Variants in ACSS3 observed in about 807,000 individuals in gnomAD.
ACSS3 encodes the protein acyl-CoA synthetase short chain family member 3.
In ACSS3, 64 loss-of-function variants were observed where a neutral mutation model predicts 84.2. That is an observed-to-expected ratio of 0.76 (90% confidence interval 0.62 to 0.94). The LOEUF (loss-of-function observed/expected upper bound fraction) is 0.94, where lower values mean the gene tolerates loss of function less well. Among genes scored for constraint, ACSS3 ranks in the 40% least tolerant of loss-of-function variants. The pLI is 0.00. For missense variants in ACSS3, 815 were observed against 867.6 expected (o/e 0.94, Z 0.76); for synonymous variants, 317 against 310.1 (o/e 1.02, Z -0.23).
chr12:81,118,978 A>G lies in ACSS3; in HGVS notation c.456+9274A>G, dbSNP rs975374324. ...GCCACAGCAGTTCAGAGAAGGCTTC[A>G]CTATTGGGGGAACCCACCCCCGATA... On this transcript the variant is annotated intron_variant, in intron 2 of 15. Coordinates refer to ENST00000548058, the MANE Select transcript of ACSS3 (RefSeq NM_024560.4). Among the ~76,000 whole-genome samples, 4 of 152,190 alleles carry G rather than the reference A, an allele frequency of 2.6e-5. No individual in the cohort carries two copies. In the East Asian group the frequency reaches 7.7e-4, roughly 29 times the overall value.
chr12:81,098,913 A>G (rs1439276613), intron 1 of ACSS3, among the ~76,000 whole-genome samples: 1 of 152,180 alleles, frequency 6.6e-6, no homozygotes, highest in Non-Finnish European at 1.5e-5. Context: ...GCATCTTATC[A>G]TAGTTATTGC....
At chr12:81,191,941 C>T (rs1355390593) in intron 8 of ACSS3, among the ~76,000 whole-genome samples, 14 of 152,048 alleles carry the variant, frequency 9.2e-5, no homozygotes, top group Admixed American at 7.9e-4. Context: ...TAATATTCTA[C>T]GTATATTTCC....
intron 15 of ACSS3, among the ~76,000 whole-genome samples, chr12:81,254,349 A>G (rs2034243352): frequency 1.3e-5 from 2 of 152,200 alleles, no homozygotes. Context: ...TTAGTGAATG[A>G]GAAAGCAAAA....
intron 9 of ACSS3, among the ~76,000 whole-genome samples, chr12:81,216,627 C>A (rs1226066495): frequency 6.6e-6 from 1 of 152,140 alleles, no homozygotes; most frequent in Non-Finnish European, 1.5e-5. Context: ...TGCTGATCCA[C>A]AATTGCAAAC....
chr12:81,241,285 G>T (rs1227420290), intron 13 of ACSS3, among the ~76,000 whole-genome samples: 1 of 151,954 alleles, frequency 6.6e-6, no homozygotes, highest in Non-Finnish European at 1.5e-5. Flanking sequence ...GAATAGTGCT[G>T]CAGTAAACAT....
At chr12:81,100,486 TGA>T (rs1882423655) in intron 1 of ACSS3, among the ~76,000 whole-genome samples, 2 of 152,124 alleles carry the variant, frequency 1.3e-5, no homozygotes, top group South Asian at 4.1e-4. Context: ...TTACAGGAGC[TGA>T]GATTCTACCC....
Position 81,107,504 on chromosome 12 carries a change from ATATATAC to A in ACSS3, c.312-2055_312-2049del, listed in dbSNP as rs1883128959. Among the ~76,000 whole-genome samples, 2 of 32,224 alleles carry A rather than the reference ATATATAC, an allele frequency of 6.2e-5. 1 individual carries two copies. Among genetic ancestry groups the A allele is most frequent in the Non-Finnish European group, 1.6e-4 (2 of 12,538 alleles). The allele number at this position is 32,224 out of a possible 152,430, so 21.1% of individuals were successfully genotyped here. A position where few individuals can be genotyped will look rare whatever the true frequency, so the allele number is the denominator to read the frequency against. The stretch of plus-strand genomic sequence containing the variant: ...GAAATGTTTTTTTTTTCAGGTACAA[ATATATAC>A]ATATATATATATATATATATATATA... On this transcript the variant is annotated intron_variant, in intron 1 of 15. Transcript: ENST00000548058.
chr12:81,112,180 T>C (rs1166338386), intron 2 of ACSS3, among the ~76,000 whole-genome samples: 4 of 152,196 alleles, frequency 2.6e-5, no homozygotes, highest in Non-Finnish European at 5.9e-5. Flanking sequence ...TAGTCTATGA[T>C]TAAAAATCGT....
At chr12:81,150,919 C>T (rs1407352320) in intron 5 of ACSS3, among the ~76,000 whole-genome samples, 1 of 152,106 alleles carries the variant, frequency 6.6e-6, no homozygotes, top group Non-Finnish European at 1.5e-5. Context: ...AATTGTTGTA[C>T]TAAAAGATGC....
intron 7 of ACSS3, among the ~76,000 whole-genome samples, chr12:81,156,185 A>AACACACAC (rs58156251): frequency 2.1e-5 from 3 of 141,736 alleles, no homozygotes; most frequent in South Asian, 2.2e-4. Context: ...TATCCAGGAA[A>AACACACAC]ACACACACAC....
intron 7 of ACSS3, among the ~76,000 whole-genome samples, chr12:81,169,266 T>C (rs924745911): frequency 2.0e-5 from 3 of 152,168 alleles, no homozygotes; most frequent in African/African-American, 7.2e-5. Context: ...CTGAATCAGA[T>C]TGTATTTATA....
intron 3 of ACSS3, among the ~76,000 whole-genome samples, chr12:81,137,724 G>A (rs1417295411): frequency 2.0e-5 from 3 of 152,018 alleles, no homozygotes; most frequent in Non-Finnish European, 2.9e-5. Flanking sequence ...TTCTATATAT[G>A]CTCCTAATTT....
intron 13 of ACSS3, among the ~76,000 whole-genome samples, chr12:81,235,698 T>C (rs1205214932): frequency 1.3e-5 from 2 of 151,508 alleles, no homozygotes; most frequent in Non-Finnish European, 3.0e-5. Flanking sequence ...CTGAACAAGT[T>C]TTGTTAAGTT....
At chr12:81,171,131 C>A (rs2030008966) in intron 7 of ACSS3, among the ~76,000 whole-genome samples, 1 of 152,042 alleles carries the variant, frequency 6.6e-6, no homozygotes, top group Non-Finnish European at 1.5e-5. Flanking sequence ...ATGTATGTTC[C>A]ATTAAAGCAG....
intron 13 of ACSS3, among the ~76,000 whole-genome samples, chr12:81,237,038 TA>T (rs1462172283): frequency 6.6e-6 from 1 of 151,520 alleles, no homozygotes; most frequent in East Asian, 1.9e-4. Flanking sequence ...AGGCTCTTCT[TA>T]AAAACATAAT....
At chr12:81,078,046 C>T, upstream of ACSS3, 1 of 1,412,272 alleles carries the variant, frequency 7.1e-7, no homozygotes, top group East Asian at 2.5e-5. Context: ...GCCCCCTACT[C>T]CCTTCCCTCA....
At chr12:81,225,427 C>T (rs1244956417) in intron 11 of ACSS3, among the ~76,000 whole-genome samples, 1 of 151,874 alleles carries the variant, frequency 6.6e-6, no homozygotes, top group Non-Finnish European at 1.5e-5. Flanking sequence ...GACTGATCCT[C>T]AGTTAGACTT....
chr12:81,121,238 A>G (rs186840926), intron 2 of ACSS3, among the ~76,000 whole-genome samples: 26 of 152,302 alleles, frequency 1.7e-4, no homozygotes, highest in African/African-American at 5.8e-4. Context: ...TGGTGTAGTC[A>G]GGGTAGTTGT....
In ACSS3 at chr12:81,256,399, T is replaced by A. The variant is rs1478932513; in HGVS notation, c.*1477T>A. ...TTGTAAAGTGAGTTTTTGTTAAGCT[T>A]ATAGGAATGGGCCAGTTAACTAAGG... On this transcript the variant is annotated 3_prime_UTR_variant, in exon 16 of 16. Coordinates refer to ENST00000548058, the MANE Select transcript of ACSS3 (RefSeq NM_024560.4). 2 of 152,180 alleles carry A rather than the reference T, an allele frequency of 1.3e-5. No homozygotes were observed. The highest frequency in any genetic ancestry group is 4.8e-5 in the African/African-American group (2 of 41,456). The allele number at this position is 152,180 out of a possible 1,614,324, so 9.4% of individuals were successfully genotyped here.
Sources: gnomAD v4.1 joint callset for allele counts (sites outside exome capture counted in the v4.1 genomes callset) on GRCh38, gnomAD v4.1.1 for gene constraint, MANE v1.5 for transcripts, NCBI Gene and HGNC (gene_info 2026-07-23, HGNC 2026-07-21) for gene names.